Variants in ADAM32 observed in about 807,000 individuals in gnomAD.
The protein encoded by ADAM32 is disintegrin and metalloproteinase domain-containing protein 32.
ADAM32 carries 89 observed loss-of-function variants against 114.9 expected under a neutral mutation model. The ratio of observed to expected loss-of-function variants is 0.77; its 90% CI spans 0.65 to 0.92. ADAM32 has a LOEUF of 0.92. Among genes scored for constraint, ADAM32 ranks in the 40% least tolerant of loss-of-function variants. The probability of loss-of-function intolerance (pLI) is 0.00; values close to 1 mark genes in which losing one functional copy is unlikely to be tolerated. For synonymous variants in ADAM32, 285 were observed against 307.5 expected (o/e 0.93, Z 0.77); for missense variants, 870 against 932.8 (o/e 0.93, Z 0.88).
At chr8:39,184,681 A>G (rs566515574) in intron 10 of ADAM32, among the ~76,000 whole-genome samples, 46 of 152,294 alleles carry the variant, frequency 3.0e-4, no homozygotes, top group Non-Finnish European at 4.9e-4. Flanking sequence ...TCTGTATGGC[A>G]GGTTCCTGAC....
intron 7 of ADAM32, among the ~76,000 whole-genome samples, chr8:39,162,089 C>A (rs1804544299): frequency 6.6e-6 from 1 of 150,564 alleles, no homozygotes; most frequent in African/African-American, 2.4e-5. Context: ...TATACATGTG[C>A]CATGTTGGTG....
chr8:39,141,858 A>C (rs1803177327), intron 3 of ADAM32, among the ~76,000 whole-genome samples: 1 of 152,064 alleles, frequency 6.6e-6, no homozygotes, highest in South Asian at 2.1e-4. Context: ...GACTTGCTTT[A>C]TGAATCTGGG....
At chr8:39,171,474 A>C (rs539309506) in intron 10 of ADAM32, among the ~76,000 whole-genome samples, 14 of 152,172 alleles carry the variant, frequency 9.2e-5, no homozygotes, top group Non-Finnish European at 1.3e-4. Context: ...CTCTCTCTAT[A>C]TATATTTTTT....
chr8:39,165,865 T>C (rs1804799976), intron 9 of ADAM32: 1 of 152,148 alleles, frequency 6.6e-6, no homozygotes, highest in Non-Finnish European at 1.5e-5. Context: ...GTCTGATGGA[T>C]ATAACTTAAT....
intron 19 of ADAM32, 148 bp downstream of exon 19, chr8:39,257,491 C>A: frequency 9.9e-7 from 1 of 1,009,552 alleles, no homozygotes; most frequent in South Asian, 2.2e-5. Context: ...TATGAGGTAG[C>A]TGTGAATACC....
intron 11 of ADAM32, among the ~76,000 whole-genome samples, chr8:39,207,754 ATTTTTATGAAATCAACTT>A (rs952248046): frequency 2.2e-4 from 34 of 152,194 alleles, no homozygotes; most frequent in African/African-American, 6.3e-4. Context: ...TCTACTCTCT[ATTTTTATGAAATCAACTT>A]TTTTTATGAA....
At chr8:39,119,240 T>C (rs1204646616) in intron 2 of ADAM32, among the ~76,000 whole-genome samples, 1 of 152,174 alleles carries the variant, frequency 6.6e-6, no homozygotes, top group Non-Finnish European at 1.5e-5. Context: ...AGGAGTGAAA[T>C]TGCTGGGCAC....
At chr8:39,283,773 T>C in intron 24 of ADAM32, 149 bp downstream of exon 24, 2 of 315,306 alleles carry the variant, frequency 6.3e-6, no homozygotes, top group Admixed American at 1.1e-4. Flanking sequence ...CTTTTATTCT[T>C]TTTTTTTTTT....
intron 20 of ADAM32, among the ~76,000 whole-genome samples, chr8:39,273,745 TAGG>T (rs1023113881): frequency 2.0e-5 from 3 of 152,088 alleles, no homozygotes; most frequent in Non-Finnish European, 2.9e-5. Flanking sequence ...TTATTGGCAA[TAGG>T]AGAAGTCTTT....
chr8:39,280,008 G>C (rs551384789), intron 22 of ADAM32, among the ~76,000 whole-genome samples: 1 of 152,282 alleles, frequency 6.6e-6, no homozygotes, highest in Admixed American at 6.5e-5. Context: ...TGCACTGCGT[G>C]GTGCAGGCCT....
intron 10 of ADAM32, among the ~76,000 whole-genome samples, chr8:39,175,097 G>A: frequency 6.6e-6 from 1 of 152,138 alleles, no homozygotes; most frequent in East Asian, 1.9e-4. Context: ...AGAGGATGAA[G>A]TTTTCTAGGT....
rs186307079 is a variant in ADAM32, at chr8:39,263,990, A to G, written c.2162+6647A>G. ...TTTGAAAAGTAACACCCATTAAACCATCGACATAATCAAGATGATAAAGGT... is the reference window on the plus strand; with the variant it reads ...TTTGAAAAGTAACACCCATTAAACCGTCGACATAATCAAGATGATAAAGGT... On this transcript the variant is annotated intron_variant, in intron 19 of 24. Coordinates refer to ENST00000379907, the MANE Select transcript of ADAM32 (RefSeq NM_145004.7). Among the ~76,000 whole-genome samples the G allele has an allele frequency of 2.3e-3, 355 of 152,330 alleles. 2 individuals carry two copies. The highest frequency in any genetic ancestry group is 7.5e-3 in the African/African-American group (313 of 41,578).
intron 22 of ADAM32, among the ~76,000 whole-genome samples, chr8:39,279,311 C>T (rs544104964): frequency 1.6e-4 from 25 of 151,860 alleles, no homozygotes; most frequent in African/African-American, 3.6e-4. Flanking sequence ...TTTTTTTAAG[C>T]GGAGTCTCTG....
At chr8:39,249,713 T>A (rs1284189188) in intron 17 of ADAM32, among the ~76,000 whole-genome samples, 3 of 152,222 alleles carry the variant, frequency 2.0e-5, no homozygotes, top group Non-Finnish European at 4.4e-5. Context: ...TCTCTAATAC[T>A]ATTCTTTTTA....
intron 14 of ADAM32, among the ~76,000 whole-genome samples, chr8:39,227,287 G>A (rs984566700): frequency 5.3e-5 from 8 of 152,150 alleles, no homozygotes; most frequent in African/African-American, 1.7e-4. Flanking sequence ...AGAAGTTTCC[G>A]ACCTTACCTG....
Position 39,211,124 on chromosome 8 carries a change from T to C in ADAM32, c.1053-20T>C. 1 of 1,495,484 alleles carries C rather than the reference T, an allele frequency of 6.7e-7. No individual in the cohort carries two copies. Among genetic ancestry groups the C allele is most frequent in the East Asian group, 2.5e-5 (1 of 40,728 alleles). 92.6% of individuals were successfully genotyped at this position (1,495,484 alleles called of 1,614,324 possible). ...TTCCAGAAGTATACTGCCAATGACA[T>C]TATATGGATTCATCTTTAGGCAATC... On this transcript the variant is annotated intron_variant, in intron 11 of 24. Coordinates refer to ENST00000379907, the MANE Select transcript of ADAM32 (RefSeq NM_145004.7).
chr8:39,141,944 G>A (rs914349116), intron 3 of ADAM32, among the ~76,000 whole-genome samples: 2 of 152,030 alleles, frequency 1.3e-5, no homozygotes, highest in Non-Finnish European at 2.9e-5. Flanking sequence ...CCATTATGTA[G>A]TGGCCTTCTT....
intron 22 of ADAM32, among the ~76,000 whole-genome samples, chr8:39,279,207 C>G (rs529177411): frequency 3.7e-4 from 57 of 152,282 alleles, no homozygotes; most frequent in African/African-American, 1.3e-3. Flanking sequence ...ATTATTGACT[C>G]TTTCTCATTC....
At chr8:39,244,995 G>T (rs1810810698) in intron 16 of ADAM32, among the ~76,000 whole-genome samples, 1 of 152,054 alleles carries the variant, frequency 6.6e-6, no homozygotes, top group Non-Finnish European at 1.5e-5. Context: ...TAAAAACAAA[G>T]ATAAATAGAT....
Sources: allele counts gnomAD v4.1 joint callset (sites outside exome capture counted in the v4.1 genomes callset), GRCh38; gene constraint gnomAD v4.1.1; transcripts MANE v1.5; gene names NCBI Gene and HGNC (gene_info 2026-07-23, HGNC 2026-07-21).